GPHN: variants seen among roughly 807,000 people sequenced by gnomAD.
The protein encoded by GPHN is gephyrin.
In GPHN, 17 loss-of-function variants were observed where a neutral mutation model predicts 95.5. The observed-to-expected ratio is 0.18, with a 90% confidence interval of 0.12 to 0.27. The LOEUF is 0.27. Among genes scored for constraint, GPHN ranks in the 10% least tolerant of loss-of-function variants. The pLI, the probability that GPHN is intolerant of heterozygous loss-of-function variation, is 1.00. For synonymous variants in GPHN, 320 were observed against 322.5 expected (o/e 0.99, Z 0.08); for missense variants, 660 against 978.1 (o/e 0.67, Z 4.34).
chr14:66,905,096 C>T (rs943080780), intron 5 of GPHN, among the ~76,000 whole-genome samples: 28 of 152,028 alleles, frequency 1.8e-4, no homozygotes, highest in African/African-American at 6.8e-4. Flanking sequence ...CTGTATCTTA[C>T]CGGTGATCTT....
chr14:66,786,287 G>A (rs866520869), intron 3 of GPHN, among the ~76,000 whole-genome samples: 33 of 152,138 alleles, frequency 2.2e-4, no homozygotes, highest in South Asian at 1.2e-3. Flanking sequence ...GTACAATTTA[G>A]TAGAAATGGA....
At chr14:66,559,525 C>T (rs530574012) in intron 1 of GPHN, among the ~76,000 whole-genome samples, 7 of 151,562 alleles carry the variant, frequency 4.6e-5, no homozygotes, top group African/African-American at 1.7e-4. Flanking sequence ...TTTTTGGCTG[C>T]ATAAATGTCT....
At chr14:66,724,859 C>T (rs1445983419) in intron 2 of GPHN, among the ~76,000 whole-genome samples, 3 of 151,860 alleles carry the variant, frequency 2.0e-5, no homozygotes, top group South Asian at 2.1e-4. Flanking sequence ...ATTTGAATAC[C>T]CTGAACGTAG....
chr14:66,996,171 A>T lies in GPHN; in HGVS notation c.964-27462A>T, dbSNP rs74432955. On this transcript the variant is annotated intron_variant, in intron 9 of 22. Transcript: ENST00000478722. ...CAGTGTTTTCTTTTCCCCACTGCAA[A>T]ACCAGGCTCGGCTTCCCTCGTGCTC... is the stretch of plus-strand genomic sequence containing the variant. The T allele has an allele frequency of 1.9e-3, 2,935 of 1,532,740 alleles. 50 individuals carry two copies. In the African/African-American group the frequency reaches 0.036, roughly 19 times the overall value. The allele number at this position is 1,532,740 out of a possible 1,614,324, so 94.9% of individuals were successfully genotyped here. A position where few individuals can be genotyped will look rare whatever the true frequency, so the allele number is the denominator to read the frequency against.
intron 4 of GPHN, among the ~76,000 whole-genome samples, chr14:66,832,240 T>G (rs2061606894): frequency 6.6e-6 from 1 of 152,218 alleles, no homozygotes; most frequent in Non-Finnish European, 1.5e-5. Flanking sequence ...ATTGATTCAT[T>G]GACTTGCCCA....
rs146926176 is a variant in GPHN, at chr14:67,171,156, C to G, written c.2079+2120C>G. ...ATGAGGCCAAGTGTTTGAGACCAGC[C>G]TGGGCAACATAGCAACACCCTGCCT... On this transcript the variant is annotated intron_variant, in intron 21 of 22. Transcript: ENST00000478722. Among the ~76,000 whole-genome samples, 163 of 151,968 alleles carry G rather than the reference C, an allele frequency of 1.1e-3. 2 individuals are homozygous for G. In the East Asian group the frequency reaches 0.027, roughly 25 times the overall value.
Position 66,924,282 on chromosome 14 carries a change from C to T in GPHN, c.818C>T (p.Thr273Ile). 1 of 1,587,736 alleles carries T rather than the reference C, an allele frequency of 6.3e-7. No individual in the cohort carries two copies. The highest frequency in any genetic ancestry group is 8.7e-7 in the Non-Finnish European group (1 of 1,155,964). ...CTCATCAATTATTCCCATCATTCAA[C>T]AGATGAACGGGTAAGACAAGAGGCT... The part of the protein sequence containing the change: ...PGLINYSHHS[T>I]DERIPDSIIS... Residue 273 changes from threonine (T) to isoleucine (I), a missense_variant, in exon 8 of 23, where the codon ACA (threonine) becomes ATA (isoleucine). This residue lies in a region of GPHN where 190 missense variants were observed against 224.7 expected (regional missense o/e 0.85). Transcript: ENST00000478722.
chr14:66,908,414 A>G (rs2065492600), intron 5 of GPHN, among the ~76,000 whole-genome samples: 1 of 152,144 alleles, frequency 6.6e-6, no homozygotes, highest in Non-Finnish European at 1.5e-5. Flanking sequence ...TATAATCCAA[A>G]GTATAAAATA....
intron 21 of GPHN, among the ~76,000 whole-genome samples, chr14:67,173,910 T>C (rs1595490494): frequency 6.6e-6 from 1 of 151,244 alleles, no homozygotes; most frequent in East Asian, 2.0e-4. Context: ...ATAAATGAAA[T>C]AAAAATGCAA....
chr14:67,605,808 C>T, the GPHN span, among the ~76,000 whole-genome samples: 2 of 151,822 alleles, frequency 1.3e-5, no homozygotes, highest in African/African-American at 2.4e-5. Context: ...TCAGCCTCCC[C>T]AGTAGTTGGG....
the GPHN span, among the ~76,000 whole-genome samples, chr14:67,439,577 C>CTTCTTTCTTTCTTTT: frequency 9.4e-6 from 1 of 106,018 alleles, no homozygotes; most frequent in African/African-American, 6.7e-5. Context: ...TTCTTTCTTT[C>CTTCTTTCTTTCTTTT]TTTCTTTCTT....
At chr14:67,317,488 T>C in the GPHN span, 1 of 1,580,934 alleles carries the variant, frequency 6.3e-7, no homozygotes, top group Non-Finnish European at 8.7e-7. Flanking sequence ...TGGTAAGTTC[T>C]ACTCTCAGGG....
chr14:67,614,361 C>T, the GPHN span, among the ~76,000 whole-genome samples: 18 of 152,366 alleles, frequency 1.2e-4, no homozygotes, highest in Non-Finnish European at 2.4e-4. Context: ...TTACCCTTCT[C>T]TGAGTTCCCT....
chr14:66,508,191 T>A lies in GPHN; in HGVS notation c.-337T>A, dbSNP rs538933375. 2 of 494,092 alleles carry A rather than the reference T, an allele frequency of 4.0e-6. No individual in the cohort carries two copies. The highest frequency in any genetic ancestry group is 7.4e-6 in the Non-Finnish European group (2 of 269,812). The allele number at this position is 494,092 out of a possible 1,614,324, so 30.6% of individuals were successfully genotyped here. A position where few individuals can be genotyped will look rare whatever the true frequency, so the allele number is the denominator to read the frequency against. On this transcript the variant is annotated 5_prime_UTR_variant, in exon 1 of 23. Transcript: ENST00000478722. ...CATCTAGCTGCCTTGGGTCTCGCGC[T>A]CCGCAGAGCGTTCCGACACTCTCCG... is the stretch of plus-strand genomic sequence containing the variant.
the GPHN span, among the ~76,000 whole-genome samples, chr14:67,451,710 C>T: frequency 1.3e-5 from 2 of 152,168 alleles, no homozygotes; most frequent in African/African-American, 2.4e-5. Context: ...ATTTTACAGG[C>T]TCATAGATAG....
chr14:67,670,781 C>A, the GPHN span, among the ~76,000 whole-genome samples: 6 of 152,230 alleles, frequency 3.9e-5, no homozygotes, highest in African/African-American at 1.4e-4. Context: ...CCGCCTAGGC[C>A]TCCCAAAGTG....
chr14:66,889,914 G>A (rs965398647), intron 5 of GPHN, among the ~76,000 whole-genome samples: 2 of 151,962 alleles, frequency 1.3e-5, no homozygotes, highest in South Asian at 4.1e-4. Context: ...ACTAAAATCA[G>A]TAATGAAAAT....
chr14:67,165,240 A>G lies in GPHN; in HGVS notation c.1975+14A>G. On this transcript the variant is annotated intron_variant, in intron 20 of 22. Coordinates refer to ENST00000478722, the MANE Select transcript of GPHN (RefSeq NM_020806.5). Reference sequence around the variant, plus strand: ...TTGCACTACCTGGTAAGAATAACAAATTGTTTCCTTTCCTTTTTCTGGAAA... The same window carrying G: ...TTGCACTACCTGGTAAGAATAACAAGTTGTTTCCTTTCCTTTTTCTGGAAA... 6.4e-7 allele frequency: 1 copy of G among 1,569,520 alleles called. No homozygotes were observed. The highest frequency in any genetic ancestry group is 1.1e-5 in the South Asian group (1 of 90,268).
chr14:66,718,444 C>T lies in GPHN; in HGVS notation c.143+37259C>T, dbSNP rs567412747. ...AGTGTTACAGCTCATAAAGGTAGTG[C>T]GGACCCAAACAGTGAGCAGCAGCAA... On this transcript the variant is annotated intron_variant, in intron 2 of 22. Coordinates refer to ENST00000478722, the MANE Select transcript of GPHN (RefSeq NM_020806.5). 2.4e-4 allele frequency among the ~76,000 whole-genome samples: 36 copies of T among 152,200 alleles called. 1 individual carries two copies. Among genetic ancestry groups the T allele is most frequent in the Admixed American group, 1.4e-3 (22 of 15,282 alleles).
Sources: allele counts gnomAD v4.1 joint callset (sites outside exome capture counted in the v4.1 genomes callset), GRCh38; gene constraint gnomAD v4.1.1; regional missense constraint gnomAD v4.1.1; transcripts MANE v1.5; gene names NCBI Gene and HGNC (gene_info 2026-07-23, HGNC 2026-07-21).